ANKHD1: variants seen among roughly 807,000 people sequenced by gnomAD.
ANKHD1 encodes the protein ankyrin repeat and KH domain-containing protein 1.
In ANKHD1, 31 loss-of-function variants were observed where a neutral mutation model predicts 230.5. That is an observed-to-expected ratio of 0.13 (90% CI 0.10 to 0.18). The LOEUF (loss-of-function observed/expected upper bound fraction) is 0.18. Among genes scored for constraint, ANKHD1 ranks in the 10% least tolerant of loss-of-function variants. The pLI is 1.00. For synonymous variants in ANKHD1, 1,074 were observed against 1,117.6 expected, an observed-to-expected ratio of 0.96 and a Z score of 0.78; for missense variants, 2,256 against 3,071.3, an observed-to-expected ratio of 0.73 and a Z score of 6.27.
At chr5:140,484,716 G>A (rs1561787045) in intron 11 of ANKHD1, 9 of 152,902 alleles carry the variant, frequency 5.9e-5, no homozygotes, top group African/African-American at 9.7e-5. Flanking sequence ...TTGAATGAAC[G>A]AACTACAGCT....
chr5:140,436,948 A>G (rs1006569922), intron 2 of ANKHD1, among the ~76,000 whole-genome samples: 1 of 152,190 alleles, frequency 6.6e-6, no homozygotes, highest in Non-Finnish European at 1.5e-5. Flanking sequence ...ATTTTTTTAT[A>G]TGTAATGCAT....
chr5:140,510,152 A>G lies in ANKHD1; in HGVS notation c.4075A>G (p.Ile1359Val). Residue 1359 changes from isoleucine (I) to valine (V), a missense_variant, in exon 22 of 34, where the codon ATC becomes GTC. By Grantham distance (29) the Ile-to-Val change is conservative. Transcript: ENST00000360839. The part of the protein sequence containing the change: ...ADVDAADNRK[I>V]TPLMSAFRKG... ...TGTGGATGCAGCAGATAACCGGAAA[A>G]TCACACCTCTTATGTCAGCATTTCG... 6.2e-7 allele frequency: 1 copy of G among 1,612,732 alleles called. No individual in the cohort carries two copies. Among genetic ancestry groups the G allele is most frequent in the Non-Finnish European group, 8.5e-7 (1 of 1,179,136 alleles).
rs1208176394 is a variant in ANKHD1 at position 140,497,178 on chromosome 5, T to C, written c.2904T>C (p.Ile968=). 6.2e-7 allele frequency: 1 copy of C among 1,613,832 alleles called. No homozygotes were observed. The highest frequency in any genetic ancestry group is 8.5e-7 in the Non-Finnish European group (1 of 1,180,008). ...QQIVGQPQIA[I]TGHDQGLLVQ... is the part of the protein sequence containing the mutation. Reference sequence around the variant, plus strand: ...TTGTAGGACAGCCTCAGATTGCTATTACTGGACATGATCAGGGGCTGTTAG... The same window carrying C: ...TTGTAGGACAGCCTCAGATTGCTATCACTGGACATGATCAGGGGCTGTTAG... Residue 968 remains isoleucine (I), a synonymous_variant, in exon 15 of 34, where the codon ATT becomes ATC. Coordinates refer to ENST00000360839, the MANE Select transcript of ANKHD1 (RefSeq NM_017747.3).
intron 10 of ANKHD1, among the ~76,000 whole-genome samples, chr5:140,474,459 G>A (rs1750854371): frequency 1.3e-5 from 2 of 152,126 alleles, no homozygotes; most frequent in Admixed American, 6.5e-5. Flanking sequence ...CCCTGTGGCT[G>A]TGATTTTTTA....
chr5:140,500,265 A>G (rs1752227840), intron 15 of ANKHD1, among the ~76,000 whole-genome samples: 1 of 152,234 alleles, frequency 6.6e-6, no homozygotes, highest in Non-Finnish European at 1.5e-5. Flanking sequence ...ACCAACTTCT[A>G]TGATAAATGC....
chr5:140,457,586 C>G (rs948622838), intron 7 of ANKHD1, among the ~76,000 whole-genome samples: 4 of 152,116 alleles, frequency 2.6e-5, no homozygotes, highest in Non-Finnish European at 5.9e-5. Context: ...CCATCATTCT[C>G]AGCAAACTAT....
chr5:140,403,383 T>C (rs1770147768), intron 1 of ANKHD1, among the ~76,000 whole-genome samples: 1 of 152,044 alleles, frequency 6.6e-6, no homozygotes, highest in South Asian at 2.1e-4. Flanking sequence ...AGGCATTAAC[T>C]TCTTTTGGGT....
chr5:140,453,942 C>T lies in ANKHD1; in HGVS notation c.1242+4637C>T, dbSNP rs553208298. On this transcript the variant is annotated intron_variant, in intron 7 of 33. Coordinates refer to ENST00000360839, the MANE Select transcript of ANKHD1 (RefSeq NM_017747.3). ...GCAAATTGGATAAAGAGTCAAGACC[C>T]ATCAGTGTGCTGTATTCAGGAGACA... Among the ~76,000 whole-genome samples the T allele has an allele frequency of 2.6e-3, 395 of 152,262 alleles. 1 individual carries two copies. The highest frequency in any genetic ancestry group is 0.014 in the Middle Eastern group (4 of 294).
chr5:140,408,319 C>G (rs137882767), intron 1 of ANKHD1, among the ~76,000 whole-genome samples: 1 of 152,128 alleles, frequency 6.6e-6, no homozygotes, highest in East Asian at 1.9e-4. Flanking sequence ...TCAAGGTAAC[C>G]AATATTAAAA....
chr5:140,458,169 C>T (rs1775358868), intron 7 of ANKHD1, among the ~76,000 whole-genome samples: 1 of 152,090 alleles, frequency 6.6e-6, no homozygotes, highest in South Asian at 2.1e-4. Context: ...TATTTTTTGC[C>T]ATGCCTTTGT....
intron 23 of ANKHD1, 84 bp from the exon 24 acceptor site, chr5:140,513,279 C>G: frequency 7.4e-7 from 1 of 1,352,814 alleles, no homozygotes; most frequent in Non-Finnish European, 1.0e-6. Context: ...GAACTTTAAC[C>G]TCTGGACTTT....
chr5:140,530,222 A>T, intron 29 of ANKHD1, among the ~76,000 whole-genome samples: 1 of 150,910 alleles, frequency 6.6e-6, no homozygotes, highest in African/African-American at 2.4e-5. Context: ...ATTTTATTTT[A>T]TTTTTTTGAG....
chr5:140,449,042 G>A (rs1167569083), intron 6 of ANKHD1, among the ~76,000 whole-genome samples, 169 bp from the exon 7 acceptor site: 1 of 152,126 alleles, frequency 6.6e-6, no homozygotes, highest in Admixed American at 6.5e-5. Context: ...AAAAAAGCCT[G>A]TATATTGCTT....
intron 1 of ANKHD1, among the ~76,000 whole-genome samples, chr5:140,430,142 AG>A (rs1363256233): frequency 2.0e-5 from 3 of 152,242 alleles, no homozygotes; most frequent in Non-Finnish European, 4.4e-5. Flanking sequence ...TAAGGCAAGA[AG>A]GAAAAATAAC....
At chr5:140,426,898 AGTCTCCCAT>A (rs1346895313) in intron 1 of ANKHD1, among the ~76,000 whole-genome samples, 13 of 152,220 alleles carry the variant, frequency 8.5e-5, no homozygotes, top group Admixed American at 1.3e-4. Context: ...CAAAATGAAA[AGTCTCCCAT>A]GTCTACCTCT....
Position 140,497,248 on chromosome 5 carries a change from C to T in ANKHD1, c.2974C>T (p.Leu992Phe). 3.1e-6 allele frequency: 5 copies of T among 1,605,812 alleles called. No individual in the cohort carries two copies. Among genetic ancestry groups the T allele is most frequent in the Non-Finnish European group, 3.4e-6 (4 of 1,179,816 alleles). ...GLMVATPAQT[L>F]TDTLDDLIAA... ...AATGGTTGCAACTCCAGCTCAGACG[C>T]TTACCGACACTCTTGATGACCTGAT... The change falls in exon 15 of 34, where the codon CTT becomes TTT. Residue 992 changes from leucine to phenylalanine, a missense_variant. Transcript: ENST00000360839.
At chr5:140,438,415 T>G in intron 2 of ANKHD1, 46 bp from the exon 3 acceptor site, 3 of 1,474,966 alleles carry the variant, frequency 2.0e-6, no homozygotes, top group African/African-American at 1.4e-5. Context: ...TTTATACTTT[T>G]TTTTTTGTTG....
At chr5:140,493,806 C>T (rs2127032240) in intron 14 of ANKHD1, among the ~76,000 whole-genome samples, 1 of 152,214 alleles carries the variant, frequency 6.6e-6, no homozygotes, top group South Asian at 2.1e-4. Context: ...ATCTTGTGTT[C>T]CACGCTTCTT....
At chr5:140,524,969 G>A (rs763765206) in intron 25 of ANKHD1, 10 of 342,160 alleles carry the variant, frequency 2.9e-5, no homozygotes, top group Middle Eastern at 1.1e-3. Context: ...AATTAGCCTG[G>A]GATTACAGGC....
Sources: allele counts gnomAD v4.1 joint callset (sites outside exome capture counted in the v4.1 genomes callset), GRCh38; gene constraint gnomAD v4.1.1; transcripts MANE v1.5; gene names NCBI Gene and HGNC (gene_info 2026-07-23, HGNC 2026-07-21).